TYW1B: variants seen among roughly 807,000 people sequenced by gnomAD.
TYW1B encodes tRNA-yW synthesizing protein 1 homolog B.
Under a neutral mutation model 86.9 loss-of-function variants are expected in TYW1B, and 73 were observed. That is an observed-to-expected ratio of 0.84 (90% CI 0.70 to 1.02). The LOEUF is 1.02. Among genes scored for constraint, TYW1B ranks in the 50% least tolerant of loss-of-function variants. The pLI is 0.00. For missense variants in TYW1B, 637 were observed against 827.4 expected (o/e 0.77, Z 2.82); for synonymous variants, 248 against 292.8 (o/e 0.85, Z 1.56).
At chr7:72,593,305 A>AG (rs1554431906) in intron 13 of TYW1B, among the ~76,000 whole-genome samples, 12 of 110,126 alleles carry the variant, frequency 1.1e-4, no homozygotes, top group East Asian at 9.7e-4. Flanking sequence ...AAAAAAGAAA[A>AG]AGAAAGAAAG....
chr7:72,620,417 C>T (rs1296013550), intron 12 of TYW1B, among the ~76,000 whole-genome samples: 3 of 151,988 alleles, frequency 2.0e-5, no homozygotes, highest in Admixed American at 2.0e-4. Flanking sequence ...AAAACAAAAA[C>T]CAAACAACAA....
intron 8 of TYW1B, among the ~76,000 whole-genome samples, chr7:72,737,740 G>A (rs1787221924): frequency 6.6e-6 from 1 of 151,552 alleles, no homozygotes; most frequent in South Asian, 2.1e-4. Context: ...AACTCTGTAA[G>A]CACATACTCT....
intron 2 of TYW1B, among the ~76,000 whole-genome samples, chr7:72,818,476 G>A (rs1411756762): frequency 2.0e-5 from 3 of 150,660 alleles, no homozygotes; most frequent in African/African-American, 7.4e-5. Flanking sequence ...CTACTTGGGA[G>A]GCTGAGGTGG....
At chr7:72,695,528 C>T (rs1208079363) in intron 10 of TYW1B, among the ~76,000 whole-genome samples, 1 of 152,128 alleles carries the variant, frequency 6.6e-6, no homozygotes, top group Non-Finnish European at 1.5e-5. Context: ...CTCAAATTCA[C>T]TGCCTCATTT....
At chr7:72,612,032 T>A (rs542226631) in intron 13 of TYW1B, among the ~76,000 whole-genome samples, 4 of 152,288 alleles carry the variant, frequency 2.6e-5, no homozygotes, top group Non-Finnish European at 4.4e-5. Flanking sequence ...CTCTCTTCTC[T>A]TCTTCTCTTT....
intron 11 of TYW1B, among the ~76,000 whole-genome samples, chr7:72,676,082 T>A (rs1813729925): frequency 6.6e-6 from 1 of 152,172 alleles, no homozygotes; most frequent in South Asian, 2.1e-4. Flanking sequence ...TCTTTGGGGC[T>A]AAACAGGGGT....
chr7:72,700,241 C>A (rs1814433288), intron 10 of TYW1B, among the ~76,000 whole-genome samples: 1 of 140,506 alleles, frequency 7.1e-6, no homozygotes, highest in Admixed American at 7.9e-5. Flanking sequence ...ATGGCACAAT[C>A]TTGGCCCACT....
At chr7:72,776,278 T>C (rs1554470515) in intron 7 of TYW1B, among the ~76,000 whole-genome samples, 2 of 152,132 alleles carry the variant, frequency 1.3e-5, no homozygotes, top group African/African-American at 4.8e-5. Flanking sequence ...AGATATACTA[T>C]GAAATGATAA....
At chr7:72,762,735 C>T (rs1303102040) in intron 7 of TYW1B, among the ~76,000 whole-genome samples, 4 of 152,168 alleles carry the variant, frequency 2.6e-5, no homozygotes, top group African/African-American at 9.7e-5. Context: ...TCTTGGCTCA[C>T]TGCAACCTCC....
intron 8 of TYW1B, among the ~76,000 whole-genome samples, chr7:72,736,527 C>A (rs782452242): frequency 1.3e-5 from 2 of 151,836 alleles, no homozygotes; most frequent in African/African-American, 4.9e-5. Context: ...TGAAGAGGAG[C>A]CTCTACTTCA....
chr7:72,631,571 T>C (rs1321237159), intron 11 of TYW1B, among the ~76,000 whole-genome samples: 2 of 152,104 alleles, frequency 1.3e-5, no homozygotes, highest in Non-Finnish European at 2.9e-5. Flanking sequence ...CAGAAGAATT[T>C]CTACTCTTTC....
intron 13 of TYW1B, among the ~76,000 whole-genome samples, chr7:72,608,749 G>A (rs1371247926): frequency 6.6e-6 from 1 of 152,210 alleles, no homozygotes; most frequent in Admixed American, 6.5e-5. Context: ...TTGTCAGATA[G>A]AGTAAACTTC....
intron 9 of TYW1B, among the ~76,000 whole-genome samples, chr7:72,720,417 C>G (rs185625733): frequency 8.9e-4 from 135 of 152,168 alleles, no homozygotes; most frequent in Non-Finnish European, 1.4e-3. Context: ...TTCCAGAAAG[C>G]TACAAATAAA....
intron 11 of TYW1B, among the ~76,000 whole-genome samples, chr7:72,684,420 GAAATATT>G (rs1291876681): frequency 6.6e-6 from 1 of 152,070 alleles, no homozygotes; most frequent in Non-Finnish European, 1.5e-5. Context: ...ACGGCAGGGT[GAAATATT>G]TAAGTACTGA....
chr7:72,786,831 T>C (rs1788138436), intron 6 of TYW1B, among the ~76,000 whole-genome samples: 1 of 152,148 alleles, frequency 6.6e-6, no homozygotes, highest in Non-Finnish European at 1.5e-5. Flanking sequence ...TGCCTAGGCT[T>C]CCCAAAGTGC....
At chr7:72,790,367 G>C (rs28495275) in intron 6 of TYW1B, among the ~76,000 whole-genome samples, 1 of 152,136 alleles carries the variant, frequency 6.6e-6, no homozygotes, top group Non-Finnish European at 1.5e-5. Context: ...AGGAGGAAGA[G>C]GGGGTGCTCA....
chr7:72,717,737 GA>G (rs1386779157), intron 9 of TYW1B, among the ~76,000 whole-genome samples: 12 of 151,752 alleles, frequency 7.9e-5, no homozygotes, highest in African/African-American at 2.7e-4. Context: ...TAAGTTACGT[GA>G]AAAAAACACT....
chr7:72,696,974 T>C (rs1433023317), intron 10 of TYW1B, among the ~76,000 whole-genome samples: 3 of 151,356 alleles, frequency 2.0e-5, no homozygotes, highest in African/African-American at 7.3e-5. Flanking sequence ...CATCACCCCT[T>C]TGCTGAGTGC....
intron 11 of TYW1B, among the ~76,000 whole-genome samples, chr7:72,662,495 C>A (rs78226469): frequency 2.6e-5 from 4 of 151,288 alleles, no homozygotes; most frequent in African/African-American, 7.3e-5. Context: ...TTCCTTTTTT[C>A]ACAAGCTCCA....
Sources: gnomAD v4.1 joint callset for allele counts (sites outside exome capture counted in the v4.1 genomes callset) on GRCh38, gnomAD v4.1.1 for gene constraint, MANE v1.5 for transcripts, NCBI Gene and HGNC (gene_info 2026-07-23, HGNC 2026-07-21) for gene names.